The following DOCK3 variants were observed in gnomAD, a reference collection of about 807,000 sequenced individuals.
DOCK3 encodes the protein dedicator of cytokinesis protein 3.
Under a neutral mutation model 265.6 loss-of-function variants are expected in DOCK3, and 60 were observed. The ratio of observed to expected loss-of-function variants is 0.23; its 90% CI spans 0.18 to 0.28. The LOEUF is 0.28. DOCK3 is among the 10% of genes least tolerant of loss of function. DOCK3 has a pLI of 1.00. For missense variants in DOCK3, 1,981 were observed against 2,594.3 expected (o/e 0.76, Z 5.14); for synonymous variants, 881 against 938.0 (o/e 0.94, Z 1.11).
intron 9 of DOCK3, among the ~76,000 whole-genome samples, chr3:51,123,111 G>T (rs529314318): frequency 6.6e-6 from 1 of 152,234 alleles, no homozygotes. Flanking sequence ...ACCAGGGTGT[G>T]GTCAGCCATA....
intron 1 of DOCK3, among the ~76,000 whole-genome samples, chr3:50,729,747 C>G (rs576422940): frequency 6.6e-6 from 1 of 151,810 alleles, no homozygotes; most frequent in East Asian, 1.9e-4. Context: ...TTTTGAACTC[C>G]TGGCCTCAAG....
chr3:51,193,281 G>A (rs575578801), intron 12 of DOCK3, among the ~76,000 whole-genome samples: 3 of 152,248 alleles, frequency 2.0e-5, no homozygotes, highest in Admixed American at 1.3e-4. Context: ...TGATCATAAT[G>A]TATTAACTTT....
At chr3:51,343,240 C>G (rs1267952603) in intron 38 of DOCK3, among the ~76,000 whole-genome samples, 1 of 152,188 alleles carries the variant, frequency 6.6e-6, no homozygotes, top group African/African-American at 2.4e-5. Context: ...TTCTAGCTCT[C>G]AACACTGCCA....
chr3:51,306,957 A>G (rs530098920), intron 27 of DOCK3, among the ~76,000 whole-genome samples: 1 of 152,110 alleles, frequency 6.6e-6, no homozygotes, highest in African/African-American at 2.4e-5. Flanking sequence ...CTATTTTTTT[A>G]TATCTTATAA....
intron 10 of DOCK3, among the ~76,000 whole-genome samples, chr3:51,158,125 G>A (rs2085946482): frequency 2.0e-5 from 3 of 152,244 alleles, no homozygotes; most frequent in South Asian, 4.2e-4. Context: ...ATGGCTGAGA[G>A]AGCAGCAAGA....
Position 51,303,086 on chromosome 3 carries a change from A to G in DOCK3, c.2923-7146A>G, listed in dbSNP as rs962774864. On this transcript the variant is annotated intron_variant, in intron 27 of 52. Transcript: ENST00000266037. ...AGTCGTAGGTTCAGTCTTTTTACAT[A>G]TTCTCATAGCTTTTGTTTGTTCCTT... is the stretch of plus-strand genomic sequence containing the variant. Among the ~76,000 whole-genome samples the G allele has an allele frequency of 4.0e-5, 6 of 150,822 alleles. No individual in the cohort carries two copies. The East Asian group carries it at 1.2e-3, about 29-fold the overall frequency.
intron 4 of DOCK3, among the ~76,000 whole-genome samples, chr3:50,927,766 G>A (rs1448955977): frequency 4.6e-5 from 7 of 152,120 alleles, no homozygotes; most frequent in Admixed American, 1.3e-4. Flanking sequence ...GATAAATCAA[G>A]TATCCATCAT....
rs562813832 is a variant in DOCK3 at position 51,352,967 on chromosome 3, C to G, written c.4108-1915C>G. Among the ~76,000 whole-genome samples, 4 of 152,328 alleles carry G rather than the reference C, an allele frequency of 2.6e-5. No individual in the cohort carries two copies. The East Asian group carries it at 7.7e-4, about 29-fold the overall frequency. ...AGGCCATCTATTACTTTAGCTCTAT[C>G]AGCTTGGTTTCTCTGGGCCATCTGC... On this transcript the variant is annotated intron_variant, in intron 40 of 52. Transcript: ENST00000266037.
At chr3:50,712,908 T>C (rs912259373) in intron 1 of DOCK3, among the ~76,000 whole-genome samples, 5 of 152,190 alleles carry the variant, frequency 3.3e-5, no homozygotes, top group African/African-American at 9.7e-5. Context: ...TATGCTGCTG[T>C]TGTTGGGTGG....
chr3:50,688,497 C>T (rs190675804), intron 1 of DOCK3, among the ~76,000 whole-genome samples: 5 of 152,246 alleles, frequency 3.3e-5, no homozygotes, highest in African/African-American at 9.6e-5. Flanking sequence ...GAGTCTTGCT[C>T]TGTTGCCCAG....
intron 1 of DOCK3, among the ~76,000 whole-genome samples, chr3:50,711,552 G>A (rs538711793): frequency 2.6e-5 from 4 of 152,122 alleles, no homozygotes; most frequent in East Asian, 1.9e-4. Flanking sequence ...GTGAACCACC[G>A]CGCCCGGCCC....
At chr3:51,172,099 G>C (rs1424980177) in intron 12 of DOCK3, among the ~76,000 whole-genome samples, 1 of 151,918 alleles carries the variant, frequency 6.6e-6, no homozygotes, top group Non-Finnish European at 1.5e-5. Context: ...TCTTGTGACA[G>C]ATTTTGAATA....
chr3:50,795,646 G>A (rs2042731840), intron 2 of DOCK3, among the ~76,000 whole-genome samples: 1 of 150,738 alleles, frequency 6.6e-6, no homozygotes, highest in Admixed American at 6.6e-5. Flanking sequence ...TCTGGATTTG[G>A]TCTGTTTACA....
intron 3 of DOCK3, among the ~76,000 whole-genome samples, chr3:50,875,857 T>TA (rs78356817): frequency 0.11 from 16,056 of 143,360 alleles, 977 homozygotes; most frequent in Non-Finnish European, 0.14. Flanking sequence ...ATTTTTGAAT[T>TA]AAAAAAAAAA....
Position 51,382,953 on chromosome 3 carries a change from AAAG to A in DOCK3, c.*1395_*1397del, listed in dbSNP as rs2088752321. On this transcript the variant is annotated 3_prime_UTR_variant, in exon 53 of 53. Transcript: ENST00000266037. ...AGGGTGCTTTTAAGTTACTTTAAAA[AAAG>A]CCTACAAAATATTTTTTTTCTTTTA... is the stretch of plus-strand genomic sequence containing the variant. The A allele has an allele frequency of 6.6e-6, 1 of 152,252 alleles. No individual in the cohort carries two copies. The highest frequency in any genetic ancestry group is 2.1e-4 in the South Asian group (1 of 4,830). 9.4% of individuals were successfully genotyped at this position (152,252 alleles called of 1,614,324 possible).
At chr3:51,123,906 A>C (rs1373353912) in intron 9 of DOCK3, among the ~76,000 whole-genome samples, 1 of 152,194 alleles carries the variant, frequency 6.6e-6, no homozygotes, top group African/African-American at 2.4e-5. Context: ...GACCCTTCTA[A>C]ATAGCAGTCT....
intron 1 of DOCK3, among the ~76,000 whole-genome samples, chr3:50,707,989 C>T (rs905542820): frequency 6.6e-5 from 10 of 152,112 alleles, no homozygotes; most frequent in Non-Finnish European, 1.5e-4. Context: ...TGGGGTGGCC[C>T]CCTTTTTATG....
intron 5 of DOCK3, among the ~76,000 whole-genome samples, chr3:51,008,759 A>G (rs984688558): frequency 3.3e-5 from 5 of 152,188 alleles, no homozygotes; most frequent in African/African-American, 9.7e-5. Flanking sequence ...TGGGTTTGTC[A>G]TAAATAGCTC....
chr3:50,953,020 G>A (rs2076634302), intron 5 of DOCK3, among the ~76,000 whole-genome samples: 1 of 152,090 alleles, frequency 6.6e-6, no homozygotes, highest in South Asian at 2.1e-4. Context: ...CTTAGAAGAT[G>A]TCACAGTTCC....
Sources: allele counts gnomAD v4.1 joint callset (sites outside exome capture counted in the v4.1 genomes callset), GRCh38; gene constraint gnomAD v4.1.1; transcripts MANE v1.5; gene names NCBI Gene and HGNC (gene_info 2026-07-23, HGNC 2026-07-21).